Variants in MAPK8IP3 observed in about 807,000 individuals in gnomAD.
MAPK8IP3 encodes mitogen-activated protein kinase 8 interacting protein 3, also known as C-Jun-amino-terminal kinase-interacting protein 3.
Under a neutral mutation model 157.8 loss-of-function variants are expected in MAPK8IP3, and 49 were observed. That is an observed-to-expected ratio of 0.31 (90% CI 0.25 to 0.39). The LOEUF (loss-of-function observed/expected upper bound fraction) is 0.39, where lower values mean the gene tolerates loss of function less well. MAPK8IP3 is among the 10% of genes least tolerant of loss of function. MAPK8IP3 has a pLI of 1.00. For missense variants in MAPK8IP3, 1,478 were observed against 1,889.4 expected (o/e 0.78, Z 4.04); for synonymous variants, 897 against 777.7 (o/e 1.15, Z -2.55).
At chr16:1,752,411 T>G (rs1382549981) in intron 8 of MAPK8IP3, 2 of 278,940 alleles carry the variant, frequency 7.2e-6, no homozygotes, top group Non-Finnish European at 1.4e-5. Context: ...AACAGACCTT[T>G]TGGTGCCTTT....
chr16:1,714,049 T>A (rs2037970555), intron 1 of MAPK8IP3: 1 of 152,172 alleles, frequency 6.6e-6, no homozygotes, highest in South Asian at 2.1e-4. Context: ...GAGCTTTGCA[T>A]AATGGCCTCC....
At chr16:1,736,982 G>A (rs1245539651) in intron 4 of MAPK8IP3, among the ~76,000 whole-genome samples, 5 of 82,162 alleles carry the variant, frequency 6.1e-5, no homozygotes, top group Admixed American at 1.5e-4. Flanking sequence ...CCGTCCGTGT[G>A]AGCATCCGTG....
In MAPK8IP3 at chr16:1,743,399, G is replaced by A. The variant is rs778814739; in HGVS notation, c.670G>A (p.Gly224Arg). ...TGACGGCACGGTACGTGCACAGATC[G>A]GGGGCAAGCTCGTGCCTGCGGGGGA... ...LADGTVRAQI[G>R]GKLVPAGDHW... Residue 224 changes from glycine (G) to arginine (R), a missense_variant, in exon 5 of 32, where the codon GGG (glycine) becomes AGG (arginine). Transcript: ENST00000610761. The surrounding 1 kb of genome is among the most constrained non-coding windows in gnomAD (Gnocchi z 5.6). 16 of 1,609,378 alleles carry A rather than the reference G, an allele frequency of 9.9e-6. No individual in the cohort carries two copies. The highest frequency in any genetic ancestry group is 9.4e-5 in the African/African-American group (7 of 74,656).
rs188041704 is a variant in MAPK8IP3, at chr16:1,760,455, G to A, written c.1380G>A (p.Arg460=). The A allele has an allele frequency of 5.6e-4, 898 of 1,614,026 alleles. 6 individuals are homozygous for A. The African/African-American group carries it at 0.011, about 20-fold the overall frequency. The change falls in exon 12 of 32, where the codon AGG becomes AGA. Residue 460 remains arginine, a synonymous_variant. Coordinates refer to ENST00000610761, the MANE Select transcript of MAPK8IP3 (RefSeq NM_001318852.2). The part of the protein sequence containing the change: ...DQLSGEQEVL[R]GELEAAKQAK... Reference sequence around the variant, plus strand: ...TGTCCGGGGAGCAGGAGGTGCTGAGGGGCGAGTTGGAGGCTGCTAAGCAGG... The same window carrying A: ...TGTCCGGGGAGCAGGAGGTGCTGAGAGGCGAGTTGGAGGCTGCTAAGCAGG...
intron 1 of MAPK8IP3, chr16:1,707,403 C>G (rs944162025): frequency 1.3e-5 from 2 of 152,272 alleles, no homozygotes; most frequent in African/African-American, 4.8e-5. Context: ...AGATTGTTAG[C>G]TGATGTAGCC....
chr16:1,729,282 G>T, intron 3 of MAPK8IP3, 74 bp downstream of exon 3: 1 of 1,534,490 alleles, frequency 6.5e-7, no homozygotes, highest in South Asian at 1.1e-5. Context: ...GACTCTTGCG[G>T]ACCGTGGTTT....
intron 8 of MAPK8IP3, among the ~76,000 whole-genome samples, chr16:1,756,071 G>T (rs1349117520): frequency 6.6e-6 from 1 of 152,194 alleles, no homozygotes; most frequent in Non-Finnish European, 1.5e-5. Context: ...AGCACTGGCG[G>T]GTGGTAATGG....
At chr16:1,763,966 A>C in intron 17 of MAPK8IP3, 149 bp from the exon 18 acceptor site, 1 of 1,061,546 alleles carries the variant, frequency 9.4e-7, no homozygotes, top group Non-Finnish European at 1.3e-6. Context: ...AGGGTCGGAG[A>C]AGGAGCCCCG....
chr16:1,758,601 G>A (rs998753260), intron 9 of MAPK8IP3, among the ~76,000 whole-genome samples: 6 of 152,122 alleles, frequency 3.9e-5, no homozygotes, highest in African/African-American at 9.6e-5. Context: ...AGGAGGCTCC[G>A]AGGCCCCACC....
rs573013469 is a variant in MAPK8IP3, at chr16:1,745,245, G to A, written c.747+1769G>A. 11 of 929,630 alleles carry A rather than the reference G, an allele frequency of 1.2e-5. No individual in the cohort carries two copies. The South Asian group carries it at 4.5e-4, about 38-fold the overall frequency. 57.6% of individuals were successfully genotyped at this position (929,630 alleles called of 1,614,324 possible). ...GAGCAGGCCGGGGACCCAGCGTGGAGGAAGGTGGCCCAGAAGCGTTTGTCT... is the reference window on the plus strand; with the variant it reads ...GAGCAGGCCGGGGACCCAGCGTGGAAGAAGGTGGCCCAGAAGCGTTTGTCT... On this transcript the variant is annotated intron_variant, in intron 5 of 31. Coordinates refer to ENST00000610761, the MANE Select transcript of MAPK8IP3 (RefSeq NM_001318852.2).
At chr16:1,760,290 CAGGGCGGAAG>C in intron 11 of MAPK8IP3, 80 bp from the exon 12 acceptor site, 2 of 1,496,690 alleles carry the variant, frequency 1.3e-6, no homozygotes, top group Non-Finnish European at 1.8e-6. Flanking sequence ...GTGCCTTCTC[CAGGGCGGAAG>C]TGCAGGCGCC....
chr16:1,719,753 G>A (rs1045707525), intron 1 of MAPK8IP3, among the ~76,000 whole-genome samples: 7 of 151,912 alleles, frequency 4.6e-5, no homozygotes, highest in South Asian at 2.1e-4. Context: ...GACTGAGATG[G>A]GAGGATCGCT....
chr16:1,737,833 A>T (rs2040137300), intron 4 of MAPK8IP3, among the ~76,000 whole-genome samples: 1 of 55,828 alleles, frequency 1.8e-5, no homozygotes, highest in Admixed American at 2.4e-4. Context: ...TGTGAGCGTG[A>T]CTGTCCGTGT....
intron 4 of MAPK8IP3, 101 bp downstream of exon 4, chr16:1,729,679 G>A (rs1430765033): frequency 9.8e-6 from 11 of 1,124,142 alleles, no homozygotes; most frequent in Non-Finnish European, 1.4e-5. Flanking sequence ...TATGGCCCGC[G>A]CTCTGGGCTC....
chr16:1,737,885 AGCATCCGTGTGAGCGTGTGACCGTCCGT>A (rs2040146567), intron 4 of MAPK8IP3, among the ~76,000 whole-genome samples: 1 of 65,354 alleles, frequency 1.5e-5, no homozygotes, highest in African/African-American at 6.2e-5. Context: ...CGTCCGTGTG[AGCATCCGTGTGAGCGTGTGACCGTCCGT>A]GTGTGTGACC....
chr16:1,763,621 C>T, intron 16 of MAPK8IP3, 36 bp from the exon 17 acceptor site: 4 of 1,505,834 alleles, frequency 2.7e-6, no homozygotes, highest in Non-Finnish European at 3.6e-6. Flanking sequence ...GCCGCTCACC[C>T]TGGACAGAGA....
At chr16:1,746,728 T>C (rs1366429670) in intron 5 of MAPK8IP3, 14 of 416,516 alleles carry the variant, frequency 3.4e-5, no homozygotes, top group Non-Finnish European at 5.2e-5. Flanking sequence ...GGCGAGGCAC[T>C]GGCCCATTAC....
intron 4 of MAPK8IP3, among the ~76,000 whole-genome samples, chr16:1,736,768 G>A (rs1241549698): frequency 2.8e-5 from 2 of 70,646 alleles, no homozygotes; most frequent in East Asian, 4.8e-4. Flanking sequence ...CCGTGTGACC[G>A]TCTGTGTGAC....
Position 1,747,436 on chromosome 16 carries a change from G to A in MAPK8IP3, c.994+161G>A, listed in dbSNP as rs1431780261. Among the ~76,000 whole-genome samples, 3 of 152,144 alleles carry A rather than the reference G, an allele frequency of 2.0e-5. No homozygotes were observed. The South Asian group carries it at 6.2e-4, about 31-fold the overall frequency. ...CCAAGATCAAGGCGCTGGCAGGGTA[G>A]GTTCCTCCTGCGGCCACTCCTTGGC... is the stretch of plus-strand genomic sequence containing the variant. On this transcript the variant is annotated intron_variant, in intron 6 of 31. Transcript: ENST00000610761.
Sources: gnomAD v4.1 joint callset for allele counts (sites outside exome capture counted in the v4.1 genomes callset) on GRCh38, gnomAD v4.1.1 for gene constraint, Gnocchi (gnomAD v3.1) non-coding constraint, MANE v1.5 for transcripts, NCBI Gene and HGNC (gene_info 2026-07-23, HGNC 2026-07-21) for gene names.